The following BNIP3L variants were observed in gnomAD, a reference collection of about 807,000 sequenced individuals.
The protein encoded by BNIP3L is BCL2 interacting protein 3 like, also known as BCL2/adenovirus E1B 19 kDa protein-interacting protein 3-like.
A neutral mutation model predicts 25.5 loss-of-function variants in BNIP3L; 10 were observed. That is an observed-to-expected ratio of 0.39 (90% CI 0.24 to 0.67). The LOEUF (loss-of-function observed/expected upper bound fraction) is 0.67. Ranked by LOEUF, BNIP3L falls within the 30% of genes least tolerant of loss-of-function variation. BNIP3L has a pLI of 0.45. For synonymous variants in BNIP3L, 113 were observed against 101.2 expected, an observed-to-expected ratio of 1.12 and a Z score of -0.70; for missense variants, 215 against 270.9, an observed-to-expected ratio of 0.79 and a Z score of 1.45.
intron 3 of BNIP3L, among the ~76,000 whole-genome samples, chr8:26,406,987 A>T (rs538473668): frequency 9.1e-5 from 13 of 143,080 alleles, no homozygotes; most frequent in South Asian, 8.9e-4. Flanking sequence ...TAATTATGAA[A>T]TTTTTTTTTT....
intron 3 of BNIP3L, among the ~76,000 whole-genome samples, chr8:26,407,528 A>G (rs1467671011): frequency 6.6e-5 from 10 of 150,734 alleles, no homozygotes; most frequent in South Asian, 2.1e-4. Context: ...GGGTTTTACC[A>G]TGTTGGCCAG....
At chr8:26,401,000 CAG>C (rs1439393829) in intron 3 of BNIP3L, among the ~76,000 whole-genome samples, 1 of 137,562 alleles carries the variant, frequency 7.3e-6, no homozygotes, top group East Asian at 2.1e-4. Context: ...TTGTGGAAGT[CAG>C]TGTGGCGATT....
rs1348538614 is a variant in BNIP3L at position 26,383,223 on chromosome 8, C to G, written c.93C>G (p.Gly31=). The G allele has an allele frequency of 6.2e-7, 1 of 1,609,582 alleles. No individual in the cohort carries two copies. Among genetic ancestry groups the G allele is most frequent in the South Asian group, 1.1e-5 (1 of 90,686 alleles). Residue 31 remains glycine, a synonymous_variant, in exon 1 of 6, where the codon GGC becomes GGG. Transcript: ENST00000380629. Reference sequence around the variant, plus strand: ...AGCAGTCTCTGCCCCCGCCGGCCGGCCTCAACAGTGAGTGCGGGGCCGAGG... The same window carrying G: ...AGCAGTCTCTGCCCCCGCCGGCCGGGCTCAACAGTGAGTGCGGGGCCGAGG... The part of the protein sequence containing the change: ...ENEQSLPPPA[G]LNSSWVELPM...
intron 5 of BNIP3L, 45 bp downstream of exon 5, chr8:26,408,421 C>A (rs749287064): frequency 1.3e-6 from 2 of 1,552,494 alleles, no homozygotes; most frequent in South Asian, 2.4e-5. Flanking sequence ...TCATTTTATC[C>A]TCTTATTTTC....
intron 1 of BNIP3L, among the ~76,000 whole-genome samples, chr8:26,384,808 C>T (rs1156598062): frequency 5.5e-5 from 8 of 144,426 alleles, no homozygotes; most frequent in Non-Finnish European, 1.0e-4. Context: ...AGCGATTCTT[C>T]TGCCTCAGCC....
intron 2 of BNIP3L, among the ~76,000 whole-genome samples, chr8:26,392,730 A>G (rs1468051154): frequency 6.6e-6 from 1 of 152,082 alleles, no homozygotes; most frequent in Non-Finnish European, 1.5e-5. Context: ...GAAGATTTAT[A>G]TTTATATTAT....
At chr8:26,383,472 G>T (rs1329018712) in intron 1 of BNIP3L, 3 of 1,312,814 alleles carry the variant, frequency 2.3e-6, no homozygotes. Flanking sequence ...GTCCGGGAGC[G>T]GCGCGGGTAG....
At position 26,411,454 on chromosome 8, in the gene BNIP3L, G is replaced by A. The variant is rs1299660002; in HGVS notation, c.*1042G>A. 6.6e-6 allele frequency: 1 copy of A among 152,158 alleles called. No homozygotes were observed. The highest frequency in any genetic ancestry group is 2.4e-5 in the African/African-American group (1 of 41,424). 9.4% of individuals were successfully genotyped at this position (152,158 alleles called of 1,614,324 possible). On this transcript the variant is annotated 3_prime_UTR_variant, in exon 6 of 6. Transcript: ENST00000380629. The stretch of plus-strand genomic sequence containing the variant: ...GTTATTCCAAGCACTTGTGCAACTT[G>A]GAAAAACAGACTTGGGTTGTGGGAA...
chr8:26,394,743 G>T (rs1806195267), intron 2 of BNIP3L, among the ~76,000 whole-genome samples: 1 of 152,098 alleles, frequency 6.6e-6, no homozygotes, highest in Non-Finnish European at 1.5e-5. Context: ...GAATGAAAAA[G>T]GCAAATAAAT....
chr8:26,387,178 AC>A (rs377374809), intron 1 of BNIP3L, among the ~76,000 whole-genome samples: 29 of 152,340 alleles, frequency 1.9e-4, no homozygotes, highest in African/African-American at 7.0e-4. Flanking sequence ...AGATTATACA[AC>A]ATACGGCAAT....
chr8:26,399,369 C>A (rs369577715), intron 3 of BNIP3L, among the ~76,000 whole-genome samples: 138 of 13,824 alleles, frequency 1.0e-2, no homozygotes, highest in Non-Finnish European at 0.011. Context: ...ATTCAACAAC[C>A]CTTCATGCTA....
At chr8:26,395,530 TA>T in intron 3 of BNIP3L, 1 of 508,336 alleles carries the variant, frequency 2.0e-6, no homozygotes, top group Non-Finnish European at 3.5e-6. Context: ...TTGTCCATAA[TA>T]AATCATGCCA....
chr8:26,410,532 T>C lies in BNIP3L; in HGVS notation c.*120T>C, dbSNP rs1391704240. 3 of 1,122,282 alleles carry C rather than the reference T, an allele frequency of 2.7e-6. No individual in the cohort carries two copies. Among genetic ancestry groups the C allele is most frequent in the East Asian group, 2.4e-5 (1 of 41,276 alleles). The allele number at this position is 1,122,282 out of a possible 1,614,324, so 69.5% of individuals were successfully genotyped here. On this transcript the variant is annotated 3_prime_UTR_variant, in exon 6 of 6. Coordinates refer to ENST00000380629, the MANE Select transcript of BNIP3L (RefSeq NM_004331.3). The stretch of plus-strand genomic sequence containing the variant: ...CAACCTACCACCCTGTTTTTACATA[T>C]CCAATTCCAGTAACTCTCAAATTCA...
In BNIP3L at chr8:26,395,097, G is replaced by A. The variant is rs1323955459; in HGVS notation, c.285-133G>A. On this transcript the variant is annotated intron_variant, in intron 2 of 5. Coordinates refer to ENST00000380629, the MANE Select transcript of BNIP3L (RefSeq NM_004331.3). ...ATCACATAAATTTTTCTTGTATAGG[G>A]TTATGATATATTCTCTGATTTGCTT... 3 of 802,746 alleles carry A rather than the reference G, an allele frequency of 3.7e-6. No homozygotes were observed. In the East Asian group the frequency reaches 8.3e-5, roughly 22 times the overall value. 49.7% of individuals were successfully genotyped at this position (802,746 alleles called of 1,614,324 possible). A position where few individuals can be genotyped will look rare whatever the true frequency, so the allele number is the denominator to read the frequency against.
intron 3 of BNIP3L, among the ~76,000 whole-genome samples, chr8:26,396,165 G>C (rs1408634505): frequency 7.2e-6 from 1 of 139,592 alleles, no homozygotes; most frequent in Non-Finnish European, 1.6e-5. Flanking sequence ...TCCACCTCTG[G>C]GGGCAGGGCA....
rs1806538396 is a variant in BNIP3L, at chr8:26,408,010, A to T, written c.368A>T (p.Glu123Val). Reference protein sequence around the residue: ...SRDHSSQSEEEVVEGEKEVEA... With the variant: ...SRDHSSQSEEVVVEGEKEVEA... ...AATTCTTCTTTACAGTCAGAAGAAG[A>T]AGTTGTAGAAGGAGAGAAGGAAGTC... is the stretch of plus-strand genomic sequence containing the variant. Residue 123 changes from glutamate (E) to valine (V), a missense_variant, in exon 4 of 6, where the codon GAA becomes GTA. Physicochemically the swap from Glu to Val is moderately radical, Grantham distance 121 (BLOSUM62 -2). Transcript: ENST00000380629. 2 of 1,613,946 alleles carry T rather than the reference A, an allele frequency of 1.2e-6. No homozygotes were observed. The highest frequency in any genetic ancestry group is 1.7e-6 in the Non-Finnish European group (2 of 1,179,976).
At chr8:26,408,530 T>C (rs902487181) in intron 5 of BNIP3L, among the ~76,000 whole-genome samples, 154 bp downstream of exon 5, 5 of 152,224 alleles carry the variant, frequency 3.3e-5, no homozygotes, top group African/African-American at 1.2e-4. Flanking sequence ...ACAATTGTTC[T>C]ACAAATAAGC....
At chr8:26,401,595 G>A (rs1806380787) in intron 3 of BNIP3L, among the ~76,000 whole-genome samples, 2 of 148,232 alleles carry the variant, frequency 1.3e-5, no homozygotes, top group African/African-American at 2.5e-5. Context: ...ACCTACCAGT[G>A]GAGGTACAAA....
intron 3 of BNIP3L, among the ~76,000 whole-genome samples, chr8:26,402,832 T>A (rs1806418237): frequency 6.6e-6 from 1 of 152,210 alleles, no homozygotes; most frequent in Non-Finnish European, 1.5e-5. Flanking sequence ...GACCTTAGAC[T>A]TTCTTCCTCT....
Sources: gnomAD v4.1 joint callset for allele counts (sites outside exome capture counted in the v4.1 genomes callset) on GRCh38, gnomAD v4.1.1 for gene constraint, MANE v1.5 for transcripts, NCBI Gene and HGNC (gene_info 2026-07-23, HGNC 2026-07-21) for gene names.